Variants in CCDC181 observed in about 807,000 individuals in gnomAD.
CCDC181 encodes coiled-coil domain containing 181.
Under a neutral mutation model 58.7 loss-of-function variants are expected in CCDC181, and 35 were observed. The ratio of observed to expected loss-of-function variants is 0.60; its 90% CI spans 0.46 to 0.79. The LOEUF (loss-of-function observed/expected upper bound fraction) is 0.79. CCDC181 is among the 30% of genes least tolerant of loss of function. CCDC181 has a pLI of 0.00. For synonymous variants in CCDC181, 183 were observed against 197.5 expected (o/e 0.93, Z 0.62); for missense variants, 517 against 583.9 (o/e 0.89, Z 1.18).
chr1:169,397,453 C>T, intron 4 of CCDC181, 62 bp from the exon 5 acceptor site: 1 of 1,390,502 alleles, frequency 7.2e-7, no homozygotes, highest in Non-Finnish European at 9.7e-7. Flanking sequence ...TGAAGCCCTG[C>T]TTATGGGATC....
At chr1:169,455,285 C>G (rs1456874866) in intron 2 of CCDC181, among the ~76,000 whole-genome samples, 3 of 151,844 alleles carry the variant, frequency 2.0e-5, no homozygotes, top group Non-Finnish European at 4.4e-5. Flanking sequence ...AATTTGTAAA[C>G]AAGTCCTAAT....
intron 2 of CCDC181, among the ~76,000 whole-genome samples, chr1:169,447,082 A>G (rs935536324): frequency 3.9e-5 from 6 of 152,056 alleles, no homozygotes; most frequent in African/African-American, 1.4e-4. Context: ...TGTGAACATA[A>G]CTTGTGTAAT....
At chr1:169,423,127 G>A (rs1381377008) in intron 2 of CCDC181, among the ~76,000 whole-genome samples, 1 of 150,228 alleles carries the variant, frequency 6.7e-6, no homozygotes, top group East Asian at 1.9e-4. Context: ...TTCTATGGGA[G>A]CTACTACATG....
At chr1:169,418,346 C>T (rs560820075) in intron 4 of CCDC181, among the ~76,000 whole-genome samples, 2 of 151,952 alleles carry the variant, frequency 1.3e-5, no homozygotes, top group Non-Finnish European at 2.9e-5. Flanking sequence ...AGAAAGAGTT[C>T]CATGATGAAG....
chr1:169,434,952 G>A (rs116205975), intron 2 of CCDC181, among the ~76,000 whole-genome samples: 1,546 of 152,202 alleles, frequency 0.01, 17 homozygotes, highest in Middle Eastern at 0.024. Context: ...CAGGGGAAAT[G>A]AGAGGTTATT....
At chr1:169,438,391 A>C (rs1012765652) in intron 2 of CCDC181, among the ~76,000 whole-genome samples, 2 of 152,102 alleles carry the variant, frequency 1.3e-5, no homozygotes, top group African/African-American at 4.8e-5. Flanking sequence ...AGAATGGAGC[A>C]GTTTTTGATG....
At chr1:169,426,666 T>C (rs1040014142) in intron 1 of CCDC181, among the ~76,000 whole-genome samples, 4 of 152,210 alleles carry the variant, frequency 2.6e-5, no homozygotes, top group Non-Finnish European at 5.9e-5. Context: ...TTTAAACATA[T>C]GCTTGCTTAA....
intron 2 of CCDC181, among the ~76,000 whole-genome samples, chr1:169,458,517 C>G (rs1360133924): frequency 6.6e-6 from 1 of 152,068 alleles, no homozygotes; most frequent in Non-Finnish European, 1.5e-5. Flanking sequence ...GCTTCTGTCC[C>G]CATGGAGTTG....
rs1230252289 is a variant in CCDC181, at chr1:169,442,652, CAT to C, written c.-24+17143_-24+17144del. The C allele has an allele frequency of 3.9e-5, 6 of 152,136 alleles. No individual in the cohort carries two copies. In the South Asian group the frequency reaches 1.0e-3, roughly 26 times the overall value. 9.4% of individuals were successfully genotyped at this position (152,136 alleles called of 1,614,324 possible). On this transcript the variant is annotated intron_variant, in intron 2 of 6. Coordinates refer to the CCDC181 transcript ENST00000545005. The stretch of plus-strand genomic sequence containing the variant: ...CTTTATAATTGTAATGTTTAACACA[CAT>C]ATATTTGAAATGGGTACATTGACAT...
At chr1:169,453,101 A>G (rs1657588412) in intron 2 of CCDC181, among the ~76,000 whole-genome samples, 2 of 152,046 alleles carry the variant, frequency 1.3e-5, no homozygotes, top group South Asian at 4.1e-4. Context: ...AAGAAACGCT[A>G]TGAGATAGGA....
At chr1:169,408,242 T>C (rs1655778825) in intron 4 of CCDC181, among the ~76,000 whole-genome samples, 1 of 152,100 alleles carries the variant, frequency 6.6e-6, no homozygotes, top group African/African-American at 2.4e-5. Context: ...GGAAGGGGTG[T>C]CCACCATTAC....
At chr1:169,422,452 A>G (rs555545752) in intron 2 of CCDC181, 139 bp from the exon 3 acceptor site, 44 of 583,236 alleles carry the variant, frequency 7.5e-5, no homozygotes, top group Non-Finnish European at 1.1e-4. Context: ...TTTGCTCATA[A>G]CATTCTAATT....
chr1:169,430,800 ATCT>A (rs765963488), upstream of CCDC181, among the ~76,000 whole-genome samples: 2 of 152,200 alleles, frequency 1.3e-5, no homozygotes, highest in African/African-American at 2.4e-5. Context: ...CAGATACAGA[ATCT>A]TCTTGGGTCC....
intron 2 of CCDC181, among the ~76,000 whole-genome samples, chr1:169,459,501 C>G (rs1657776313): frequency 6.6e-6 from 1 of 152,040 alleles, no homozygotes; most frequent in African/African-American, 2.4e-5. Flanking sequence ...AGAGACATGA[C>G]TTACGGGTAA....
At chr1:169,440,687 TA>T (rs1657197834) in intron 2 of CCDC181, among the ~76,000 whole-genome samples, 1 of 151,616 alleles carries the variant, frequency 6.6e-6, no homozygotes, top group Non-Finnish European at 1.5e-5. Context: ...GACATTGAGG[TA>T]GGCGGATTAC....
intron 2 of CCDC181, among the ~76,000 whole-genome samples, chr1:169,423,133 A>G (rs1656561413): frequency 6.6e-6 from 1 of 150,798 alleles, no homozygotes; most frequent in Non-Finnish European, 1.5e-5. Context: ...GGGAGCTACT[A>G]CATGCTTCTC....
intron 2 of CCDC181, among the ~76,000 whole-genome samples, chr1:169,434,989 T>G (rs901308194): frequency 6.6e-6 from 1 of 152,074 alleles, no homozygotes; most frequent in African/African-American, 2.4e-5. Flanking sequence ...GTGTCAGTTT[T>G]AAAAAATAAA....
chr1:169,431,273 A>G (rs1656912268), upstream of CCDC181, among the ~76,000 whole-genome samples: 1 of 152,192 alleles, frequency 6.6e-6, no homozygotes, highest in Non-Finnish European at 1.5e-5. Context: ...GTCACTGACA[A>G]ACAGCAACAG....
At chr1:169,459,917 A>AAAAAC (rs1657797210) in intron 1 of CCDC181, 1 of 150,482 alleles carries the variant, frequency 6.6e-6, no homozygotes, top group African/African-American at 2.4e-5. Context: ...AAAAAAAAAA[A>AAAAAC]AAAAAAAAAA....
Sources: allele counts gnomAD v4.1 joint callset (sites outside exome capture counted in the v4.1 genomes callset), GRCh38; gene constraint gnomAD v4.1.1; transcripts MANE v1.5; gene names NCBI Gene and HGNC (gene_info 2026-07-23, HGNC 2026-07-21).